Variants in BICD2 observed in about 807,000 individuals in gnomAD.
The protein encoded by BICD2 is protein bicaudal D homolog 2.
Under a neutral mutation model 72.9 loss-of-function variants are expected in BICD2, and 25 were observed. That is an observed-to-expected ratio of 0.34 (90% CI 0.25 to 0.48). BICD2 has a LOEUF of 0.48. BICD2 is among the 20% of genes least tolerant of loss of function. The pLI, the probability that BICD2 is intolerant of heterozygous loss-of-function variation, is 0.99. For missense variants in BICD2, 894 were observed against 1,175.2 expected (o/e 0.76, Z 3.50); for synonymous variants, 501 against 516.1 (o/e 0.97, Z 0.40).
intron 1 of BICD2, among the ~76,000 whole-genome samples, chr9:92,736,341 G>T (rs1853787584): frequency 6.6e-6 from 1 of 152,126 alleles, no homozygotes; most frequent in African/African-American, 2.4e-5. Flanking sequence ...CTCCCATCAG[G>T]ACCATGACAG....
intron 2 of BICD2, among the ~76,000 whole-genome samples, chr9:92,727,328 G>A (rs1435601298): frequency 6.6e-6 from 1 of 152,214 alleles, no homozygotes; most frequent in Admixed American, 6.5e-5. Context: ...AGAGGGTGGT[G>A]CTCCTGTGTC....
rs1347133721 is a variant in BICD2 at position 92,718,875 on chromosome 9, C to T, written c.1770G>A (p.Leu590=). The change falls in exon 5 of 7, where the codon CTG becomes CTA. Residue 590 remains leucine, a synonymous_variant. Transcript: ENST00000356884. ...RRSPILLPKG[L]LAPEAGRADG... The stretch of plus-strand genomic sequence containing the variant: ...CTGCTCGGCCCGCCTCAGGAGCCAG[C>T]AGCCCCTTGGGTAGGAGGATGGGTG... The T allele has an allele frequency of 6.2e-7, 1 of 1,602,058 alleles. No individual in the cohort carries two copies. Among genetic ancestry groups the T allele is most frequent in the African/African-American group, 1.3e-5 (1 of 74,762 alleles).
At chr9:92,756,275 T>TG (rs1290672536) in intron 1 of BICD2, among the ~76,000 whole-genome samples, 2 of 145,716 alleles carry the variant, frequency 1.4e-5, no homozygotes, top group African/African-American at 2.5e-5. Flanking sequence ...TTTTTTTTTT[T>TG]GTCTGAGACG....
intron 3 of BICD2, among the ~76,000 whole-genome samples, chr9:92,721,523 T>C (rs1240491706): frequency 2.6e-5 from 4 of 152,208 alleles, no homozygotes; most frequent in African/African-American, 9.7e-5. Context: ...TATTTTTCTG[T>C]AATATTTGGA....
intron 1 of BICD2, among the ~76,000 whole-genome samples, chr9:92,730,579 T>C (rs1264568868): frequency 6.6e-6 from 1 of 152,186 alleles, no homozygotes; most frequent in African/African-American, 2.4e-5. Context: ...CTTACAGCAC[T>C]GTGAGGATCA....
rs780485203 is a variant in BICD2, at chr9:92,729,091, C to A, written c.386G>T (p.Arg129Leu). Reference sequence around the variant, plus strand: ...CGACTGCGTGTTGGTGAGGACATTGCGCAACTGCTTCAGCTCCGTCTGCAG... The same window carrying A: ...CGACTGCGTGTTGGTGAGGACATTGAGCAACTGCTTCAGCTCCGTCTGCAG... ...LELQTELKQL[R>L]NVLTNTQSEN... Residue 129 changes from arginine (R) to leucine (L), a missense_variant, in exon 2 of 7, where the codon CGC (arginine) becomes CTC (leucine). Arg to Leu is a moderately radical substitution (Grantham distance 102, BLOSUM62 -2). Transcript: ENST00000356884. 6 of 1,614,090 alleles carry A rather than the reference C, an allele frequency of 3.7e-6. No homozygotes were observed. Among genetic ancestry groups the A allele is most frequent in the Admixed American group, 1.7e-5 (1 of 60,016 alleles).
At chr9:92,723,994 A>G (rs1240320370) in intron 2 of BICD2, among the ~76,000 whole-genome samples, 1 of 152,032 alleles carries the variant, frequency 6.6e-6, no homozygotes, top group Admixed American at 6.6e-5. Flanking sequence ...CAACTGAAAA[A>G]TCTCTCCAGA....
intron 1 of BICD2, among the ~76,000 whole-genome samples, chr9:92,746,204 G>A (rs1384358975): frequency 6.6e-6 from 1 of 152,226 alleles, no homozygotes; most frequent in Non-Finnish European, 1.5e-5. Flanking sequence ...AATACAGTGG[G>A]GAGAGGGGCT....
At position 92,713,336 on chromosome 9, in the gene BICD2, C is replaced by G; in HGVS notation, c.*1818G>C. 8.8e-7 allele frequency: 1 copy of G among 1,142,386 alleles called. No homozygotes were observed. Among genetic ancestry groups the G allele is most frequent in the Non-Finnish European group, 1.3e-6 (1 of 788,284 alleles). 70.8% of individuals were successfully genotyped at this position (1,142,386 alleles called of 1,614,324 possible). Reference sequence around the variant, plus strand: ...TTGAAAAGAATTGCAGTGGCATATCCAAAAAGTTTCTAAGTGGGCTTTTAG... The same window carrying G: ...TTGAAAAGAATTGCAGTGGCATATCGAAAAAGTTTCTAAGTGGGCTTTTAG... On this transcript the variant is annotated 3_prime_UTR_variant, in exon 7 of 7. Coordinates refer to ENST00000356884, the MANE Select transcript of BICD2 (RefSeq NM_001003800.2).
At chr9:92,715,916 G>A (rs142195754) in intron 6 of BICD2, among the ~76,000 whole-genome samples, 8 of 152,184 alleles carry the variant, frequency 5.3e-5, no homozygotes, top group African/African-American at 9.7e-5. Context: ...AAGCAGGACT[G>A]GGCTTGTTCC....
intron 1 of BICD2, among the ~76,000 whole-genome samples, chr9:92,736,395 C>T (rs999350581): frequency 6.6e-6 from 1 of 152,164 alleles, no homozygotes; most frequent in African/African-American, 2.4e-5. Flanking sequence ...TTTACAGATG[C>T]CACAGCCCGA....
intron 1 of BICD2, among the ~76,000 whole-genome samples, chr9:92,740,504 T>A (rs1490327375): frequency 6.6e-6 from 1 of 151,372 alleles, no homozygotes; most frequent in Non-Finnish European, 1.5e-5. Flanking sequence ...AACTTCAGGA[T>A]CACGGCCAAA....
intron 3 of BICD2, among the ~76,000 whole-genome samples, chr9:92,721,676 C>T (rs761355033): frequency 5.3e-5 from 8 of 152,190 alleles, no homozygotes; most frequent in Non-Finnish European, 8.8e-5. Context: ...ACCACAAATG[C>T]GGAGGTGAGG....
Position 92,764,451 on chromosome 9 carries a change from G to A in BICD2, c.240+54C>T, listed in dbSNP as rs1372650934. 7 of 1,427,004 alleles carry A rather than the reference G, an allele frequency of 4.9e-6. No individual in the cohort carries two copies. The Admixed American group carries it at 1.1e-4, about 23-fold the overall frequency. The allele number at this position is 1,427,004 out of a possible 1,614,324, so 88.4% of individuals were successfully genotyped here. On this transcript the variant is annotated intron_variant, in intron 1 of 6. Transcript: ENST00000356884. The surrounding 1 kb of genome is among the most constrained non-coding windows in gnomAD (Gnocchi z 5.5). ...TGGCCGCCCTGGTGCCAGGGACGAC[G>A]CCCACAGGCCCCGGCGCCGGGCGGG...
chr9:92,720,875 G>T lies in BICD2; in HGVS notation c.607-120C>A. ...GCCACTATGAAGCAAAAGATGAAGC[G>T]CCAGGTGAGGTGCCATCCTGGGAAG... is the stretch of plus-strand genomic sequence containing the variant. On this transcript the variant is annotated intron_variant, in intron 3 of 6. Coordinates refer to ENST00000356884, the MANE Select transcript of BICD2 (RefSeq NM_001003800.2). This position sits in a 1 kb window ranked among gnomAD's most constrained non-coding sequence, Gnocchi z 5.4. The T allele has an allele frequency of 1.9e-6, 2 of 1,068,412 alleles. No homozygotes were observed. The highest frequency in any genetic ancestry group is 2.6e-6 in the Non-Finnish European group (2 of 757,686). 66.2% of individuals were successfully genotyped at this position (1,068,412 alleles called of 1,614,324 possible).
Position 92,764,641 on chromosome 9 carries a change from T to C in BICD2, c.104A>G (p.Glu35Gly). ...EVKRLSHELA[E>G]TTREKIQAAE... ...CGCCTGGATCTTCTCACGCGTGGTCTCGGCCAGCTCGTGGGACAGCCGCTT... is the reference window on the plus strand; with the variant it reads ...CGCCTGGATCTTCTCACGCGTGGTCCCGGCCAGCTCGTGGGACAGCCGCTT... Residue 35 changes from glutamate to glycine, a missense_variant, in exon 1 of 7, where the codon GAG becomes GGG. Physicochemically the swap from Glu to Gly is moderately conservative, Grantham distance 98. Coordinates refer to ENST00000356884, the MANE Select transcript of BICD2 (RefSeq NM_001003800.2). The surrounding 1 kb of genome is among the most constrained non-coding windows in gnomAD (Gnocchi z 5.5). The C allele has an allele frequency of 6.3e-7, 1 of 1,593,168 alleles. No individual in the cohort carries two copies. The highest frequency in any genetic ancestry group is 1.7e-5 in the Admixed American group (1 of 57,274).
intron 6 of BICD2, 101 bp downstream of exon 6, chr9:92,717,696 C>G: frequency 7.1e-7 from 1 of 1,401,654 alleles, no homozygotes; most frequent in East Asian, 2.5e-5. Context: ...GTCAGGGCTG[C>G]AGGCCTCAGC....
Position 92,719,258 on chromosome 9 carries a change from G to A in BICD2, c.1387C>T (p.Arg463Cys), listed in dbSNP as rs78319441. ...LKALRSTHEA[R>C]EAQHAEEKGR... ...TTCTCCTCGGCGTGCTGGGCCTCAC[G>A]AGCCTCGTGCGTGCTGCGCAGTGCC... Residue 463 changes from arginine to cysteine, a missense_variant, in exon 5 of 7, where the codon CGT becomes TGT. Arg to Cys is a radical substitution (Grantham distance 180, BLOSUM62 -3). Around this residue, in one of 5 missense-constraint regions of BICD2, gnomAD observed 371 missense variants for 439.1 expected, o/e 0.84. Coordinates refer to ENST00000356884, the MANE Select transcript of BICD2 (RefSeq NM_001003800.2). The A allele has an allele frequency of 2.1e-4, 340 of 1,613,310 alleles. 1 individual carries two copies. In the African/African-American group the frequency reaches 4.2e-3, roughly 20 times the overall value.
chr9:92,716,483 AAACTGG>A (rs1452623723), intron 6 of BICD2, among the ~76,000 whole-genome samples: 1 of 152,084 alleles, frequency 6.6e-6, no homozygotes, highest in Non-Finnish European at 1.5e-5. Context: ...GGATACTGAG[AAACTGG>A]GAGTGCACGG....
Sources: allele counts gnomAD v4.1 joint callset (sites outside exome capture counted in the v4.1 genomes callset), GRCh38; gene constraint gnomAD v4.1.1; regional missense constraint gnomAD v4.1.1; non-coding constraint Gnocchi (gnomAD v3.1); transcripts MANE v1.5; gene names NCBI Gene and HGNC (gene_info 2026-07-23, HGNC 2026-07-21).